The following SEZ6 variants were observed in gnomAD, a reference collection of about 807,000 sequenced individuals.
SEZ6 encodes seizure protein 6 homolog.
A neutral mutation model predicts 101.0 loss-of-function variants in SEZ6; 53 were observed. The observed-to-expected ratio is 0.52, with a 90% CI of 0.42 to 0.66. The LOEUF (loss-of-function observed/expected upper bound fraction) is 0.66, where lower values mean the gene tolerates loss of function less well. Ranked by LOEUF, SEZ6 falls within the 30% of genes least tolerant of loss-of-function variation. The probability of loss-of-function intolerance (pLI) is 0.00; values close to 1 mark genes in which losing one functional copy is unlikely to be tolerated. For missense variants in SEZ6, 1,102 were observed against 1,289.4 expected (o/e 0.85, Z 2.23); for synonymous variants, 488 against 512.2 (o/e 0.95, Z 0.64).
chr17:28,990,632 G>A (rs1033306500), intron 1 of SEZ6, among the ~76,000 whole-genome samples: 14 of 151,814 alleles, frequency 9.2e-5, no homozygotes, highest in African/African-American at 2.7e-4. Context: ...CGGGTCCTGC[G>A]GCCCCCACCC....
chr17:28,986,101 T>TC (rs1419591117), intron 1 of SEZ6, among the ~76,000 whole-genome samples: 2 of 152,114 alleles, frequency 1.3e-5, no homozygotes, highest in East Asian at 1.9e-4. Context: ...GCCTGGGCCC[T>TC]CCCCCCGCAT....
At chr17:29,005,000 A>G (rs1305098424) in intron 1 of SEZ6, among the ~76,000 whole-genome samples, 1 of 152,158 alleles carries the variant, frequency 6.6e-6, no homozygotes, top group Non-Finnish European at 1.5e-5. Context: ...CTCCAGAGAC[A>G]AATCTGCCTT....
chr17:28,977,926 T>C (rs897993025), intron 3 of SEZ6, among the ~76,000 whole-genome samples: 7 of 152,000 alleles, frequency 4.6e-5, no homozygotes, highest in Non-Finnish European at 1.0e-4. Context: ...CTAATTACCC[T>C]CCCAGTCAGC....
At chr17:28,986,685 T>C (rs1443161660) in intron 1 of SEZ6, among the ~76,000 whole-genome samples, 2 of 152,230 alleles carry the variant, frequency 1.3e-5, no homozygotes, top group African/African-American at 4.8e-5. Context: ...CGCTGCTGTT[T>C]CTGCAGATCT....
chr17:28,981,371 C>A lies in SEZ6; in HGVS notation c.724G>T (p.Gly242Cys). The change falls in exon 2 of 17, where the codon GGC (glycine) becomes TGC (cysteine). Residue 242 changes from glycine (G) to cysteine (C), a missense_variant and splice_region_variant. Transcript: ENST00000317338. ...TTTITTVQTP[G>C]PCSWNFSGPE... ...ATCTGCAAGCCAGCAGGTAGCTGAC[C>A]TGGTGTCTGGACTGTGGTGATGGTG... The A allele has an allele frequency of 6.5e-7, 1 of 1,541,988 alleles. No homozygotes were observed. Among genetic ancestry groups the A allele is most frequent in the Non-Finnish European group, 8.8e-7 (1 of 1,140,036 alleles).
At chr17:28,977,210 T>G (rs891796362) in intron 3 of SEZ6, among the ~76,000 whole-genome samples, 2 of 152,206 alleles carry the variant, frequency 1.3e-5, no homozygotes, top group Non-Finnish European at 2.9e-5. Flanking sequence ...CCAAGTGGCC[T>G]GGGTGGGGGT....
At chr17:28,976,732 T>TC (rs1176433844) in intron 3 of SEZ6, among the ~76,000 whole-genome samples, 1 of 152,022 alleles carries the variant, frequency 6.6e-6, no homozygotes, top group Non-Finnish European at 1.5e-5. Flanking sequence ...ACCCTTACCC[T>TC]CCGCCCCTAC....
intron 1 of SEZ6, among the ~76,000 whole-genome samples, chr17:28,992,911 G>A (rs1369415941): frequency 2.6e-5 from 4 of 152,100 alleles, no homozygotes; most frequent in African/African-American, 4.8e-5. Flanking sequence ...ACTCTACACC[G>A]TCCCCTGCAG....
At chr17:28,995,230 A>G (rs1027526695) in intron 1 of SEZ6, among the ~76,000 whole-genome samples, 1 of 151,746 alleles carries the variant, frequency 6.6e-6, no homozygotes, top group African/African-American at 2.4e-5. Context: ...CCCTCTGCTG[A>G]GCATCTGCAG....
intron 3 of SEZ6, among the ~76,000 whole-genome samples, chr17:28,971,831 T>G (rs2041155651): frequency 6.6e-6 from 1 of 152,196 alleles, no homozygotes; most frequent in South Asian, 2.1e-4. Context: ...CTCCTCTCTA[T>G]CCTTTTGTTA....
chr17:28,970,336 G>C (rs543274698), intron 3 of SEZ6, among the ~76,000 whole-genome samples: 1 of 152,116 alleles, frequency 6.6e-6, no homozygotes, highest in African/African-American at 2.4e-5. Context: ...GATGGTGTCC[G>C]AGGCCCTGGT....
At position 28,955,628 on chromosome 17, in the gene SEZ6, G is replaced by A. The variant is rs898544283; in HGVS notation, c.*334C>T. On this transcript the variant is annotated 3_prime_UTR_variant, in exon 17 of 17. Transcript: ENST00000317338. Reference sequence around the variant, plus strand: ...TGGTCATGTGGAGAAAGGTACTCCTGCTCTGCTAGTGTGTTCCAGGCTGGT... The same window carrying A: ...TGGTCATGTGGAGAAAGGTACTCCTACTCTGCTAGTGTGTTCCAGGCTGGT... 1.1e-5 allele frequency: 6 copies of A among 562,568 alleles called. No homozygotes were observed. In the Admixed American group the frequency reaches 1.3e-4, roughly 12 times the overall value. 34.8% of individuals were successfully genotyped at this position (562,568 alleles called of 1,614,324 possible). A position where few individuals can be genotyped will look rare whatever the true frequency, so the allele number is the denominator to read the frequency against.
rs765212510 is a variant in SEZ6 at position 28,960,869 on chromosome 17, C to T, written c.1345G>A (p.Ala449Thr). 1.9e-6 allele frequency: 3 copies of T among 1,613,988 alleles called. 1 individual carries two copies. The South Asian group carries it at 3.3e-5, about 18-fold the overall frequency. ...AGGTGTAGCCGCTGGCCCTCAGGAG[C>T]CTCAAGCAGCCAGTGACAGGTGAGG... ...NNLTCHWLLE[A>T]PEGQRLHLHF... The change falls in exon 6 of 17, where the codon GCT (alanine) becomes ACT (threonine). Residue 449 changes from alanine (A) to threonine (T), a missense_variant. Transcript: ENST00000317338.
chr17:28,986,406 C>T (rs2041384483), intron 1 of SEZ6, among the ~76,000 whole-genome samples: 1 of 152,214 alleles, frequency 6.6e-6, no homozygotes, highest in Non-Finnish European at 1.5e-5. Context: ...CCAGCCCCAC[C>T]AGATCTGGAT....
intron 5 of SEZ6, among the ~76,000 whole-genome samples, chr17:28,961,864 C>T (rs778926059): frequency 1.1e-4 from 16 of 152,168 alleles, no homozygotes; most frequent in Non-Finnish European, 2.2e-4. Flanking sequence ...ATACACAGGA[C>T]CTTTGTCTCC....
chr17:28,969,957 CAGTAG>C lies in SEZ6; in HGVS notation c.859-10_859-6del. The C allele has an allele frequency of 3.3e-6, 5 of 1,527,130 alleles. No homozygotes were observed. The highest frequency in any genetic ancestry group is 3.5e-6 in the Non-Finnish European group (4 of 1,149,248). 94.6% of individuals were successfully genotyped at this position (1,527,130 alleles called of 1,614,324 possible). ...CCGGAGGCTGATATTCTGGACCTGTCAGTAGAGTAGAGAGAGAAAAGCAAAGTAGT... is the reference window on the plus strand; with the variant it reads ...CCGGAGGCTGATATTCTGGACCTGTCAGTAGAGAGAGAAAAGCAAAGTAGT... On this transcript the variant is annotated splice_polypyrimidine_tract_variant and splice_region_variant and intron_variant, in intron 3 of 16. Transcript: ENST00000317338.
chr17:28,999,207 T>C (rs556872296), intron 1 of SEZ6, among the ~76,000 whole-genome samples: 208 of 151,754 alleles, frequency 1.4e-3, no homozygotes, highest in Non-Finnish European at 1.6e-3. Context: ...ATGGGAGAAA[T>C]GAAATAAGCA....
Position 28,959,691 on chromosome 17 carries a change from T to C in SEZ6, c.1771+7A>G. 6.3e-7 allele frequency: 1 copy of C among 1,581,974 alleles called. No homozygotes were observed. The highest frequency in any genetic ancestry group is 1.2e-5 in the South Asian group (1 of 85,324). On this transcript the variant is annotated splice_region_variant and intron_variant, in intron 8 of 16. Coordinates refer to ENST00000317338, the MANE Select transcript of SEZ6 (RefSeq NM_178860.5). This position sits in a 1 kb window ranked among gnomAD's most constrained non-coding sequence, Gnocchi z 4.4. ...CCCGGTAGGCCCATCCACTGGTGTC[T>C]ACTGACCTCGGCAGGCTGGCTCTGT...
At chr17:28,961,898 T>C (rs1829041654) in intron 5 of SEZ6, among the ~76,000 whole-genome samples, 1 of 152,174 alleles carries the variant, frequency 6.6e-6, no homozygotes, top group South Asian at 2.1e-4. Context: ...AGCAGAATAT[T>C]GTAACCTAGT....
Sources: allele counts gnomAD v4.1 joint callset (sites outside exome capture counted in the v4.1 genomes callset), GRCh38; gene constraint gnomAD v4.1.1; non-coding constraint Gnocchi (gnomAD v3.1); transcripts MANE v1.5; gene names NCBI Gene and HGNC (gene_info 2026-07-23, HGNC 2026-07-21).